DIAPH2: variants seen among roughly 807,000 people sequenced by gnomAD.
The protein encoded by DIAPH2 is protein diaphanous homolog 2.
DIAPH2 carries 35 observed loss-of-function variants against 92.7 expected under a neutral mutation model. The observed-to-expected ratio is 0.38, with a 90% confidence interval of 0.29 to 0.50. DIAPH2 has a LOEUF of 0.50. Ranked by LOEUF, DIAPH2 falls within the 20% of genes least tolerant of loss-of-function variation. The pLI, the probability that DIAPH2 is intolerant of heterozygous loss-of-function variation, is 0.94. For missense variants in DIAPH2, 701 were observed against 819.5 expected, an observed-to-expected ratio of 0.86 and a Z score of 1.77; for synonymous variants, 301 against 280.4, an observed-to-expected ratio of 1.07 and a Z score of -0.73.
chrX:96,913,334 A>G (rs1019682646), intron 7 of DIAPH2, among the ~76,000 whole-genome samples: 1 of 111,753 alleles, frequency 8.9e-6, no homozygotes, highest in Non-Finnish European at 1.9e-5. Context: ...TTTATAGTAT[A>G]CTAAATGTTC....
chrX:97,532,195 A>T lies in DIAPH2; in HGVS notation c.3242-67058A>T, dbSNP rs186339769. Among the ~76,000 whole-genome samples, 15 of 113,063 alleles carry T rather than the reference A, an allele frequency of 1.3e-4. 1 individual carries two copies. The highest frequency in any genetic ancestry group is 4.6e-3 in the Middle Eastern group (1 of 219). On this transcript the variant is annotated intron_variant, in intron 26 of 26. Coordinates refer to ENST00000324765, the MANE Select transcript of DIAPH2 (RefSeq NM_006729.5). The stretch of plus-strand genomic sequence containing the variant: ...TTCTATAAAGAGAACTATTATCCAC[A>T]TCTTTTTGCACAGAAGTACACTTAA...
At chrX:96,763,923 C>G (rs1167176380) in intron 4 of DIAPH2, among the ~76,000 whole-genome samples, 2 of 108,396 alleles carry the variant, frequency 1.8e-5, no homozygotes, top group Non-Finnish European at 3.8e-5. Flanking sequence ...TTTATTTGTT[C>G]ATTTTGCTTT....
chrX:96,730,537 C>T (rs1260151596), intron 1 of DIAPH2, among the ~76,000 whole-genome samples: 2 of 111,525 alleles, frequency 1.8e-5, no homozygotes, highest in Admixed American at 9.5e-5. Flanking sequence ...GCAGGGATGT[C>T]GTCCAGAGAA....
chrX:97,185,331 A>G (rs866583394), intron 22 of DIAPH2, among the ~76,000 whole-genome samples: 9 of 44,796 alleles, frequency 2.0e-4, no homozygotes, highest in African/African-American at 1.1e-3. Context: ...ATATGTGTAT[A>G]TATATATATG....
chrX:97,289,715 AT>A (rs752155445), intron 23 of DIAPH2, among the ~76,000 whole-genome samples: 202 of 96,157 alleles, frequency 2.1e-3, no homozygotes, highest in South Asian at 2.8e-3. Context: ...CAACAATCCA[AT>A]TTTTTTTTTT....
chrX:96,814,873 A>G (rs996073532), intron 4 of DIAPH2, among the ~76,000 whole-genome samples: 1 of 111,534 alleles, frequency 9.0e-6, no homozygotes, highest in African/African-American at 3.3e-5. Context: ...CAGAACAGCC[A>G]ATATTGCTGC....
At chrX:96,689,937 G>A (rs1197315140) in intron 1 of DIAPH2, among the ~76,000 whole-genome samples, 1 of 110,061 alleles carries the variant, frequency 9.1e-6, no homozygotes, top group African/African-American at 3.3e-5. Flanking sequence ...TATTTTGAGA[G>A]TGTAAATTGG....
rs1317261772 is a variant in DIAPH2 at position 96,979,324 on chromosome X, A to T, written c.2050+14117A>T. ...TTTCTGCCTTCTCTCCTGTTTTGTGATAATCATGGCATTCCCATGTTTGGA... is the reference window on the plus strand; with the variant it reads ...TTTCTGCCTTCTCTCCTGTTTTGTGTTAATCATGGCATTCCCATGTTTGGA... On this transcript the variant is annotated intron_variant, in intron 17 of 26. Transcript: ENST00000324765. Among the ~76,000 whole-genome samples, 8 of 112,357 alleles carry T rather than the reference A, an allele frequency of 7.1e-5. No homozygotes were observed. In the Admixed American group the frequency reaches 7.5e-4, roughly 11 times the overall value.
At chrX:96,804,374 C>T (rs1367901954) in intron 4 of DIAPH2, among the ~76,000 whole-genome samples, 3 of 111,871 alleles carry the variant, frequency 2.7e-5, no homozygotes, top group Admixed American at 9.5e-5. Flanking sequence ...CTGCCATCCT[C>T]TCTACCACCC....
intron 5 of DIAPH2, among the ~76,000 whole-genome samples, chrX:96,893,557 A>T (rs2065321593): frequency 8.9e-6 from 1 of 111,967 alleles, no homozygotes; most frequent in Non-Finnish European, 1.9e-5. Flanking sequence ...GTTTTCCATA[A>T]AGTACAGAAG....
chrX:97,520,987 A>T (rs1247533279), intron 26 of DIAPH2, among the ~76,000 whole-genome samples: 1 of 111,436 alleles, frequency 9.0e-6, no homozygotes, highest in Admixed American at 9.5e-5. Context: ...GTCTCCCCAG[A>T]ATTTGTATGT....
intron 22 of DIAPH2, among the ~76,000 whole-genome samples, chrX:97,162,843 C>T (rs1458098718): frequency 2.7e-5 from 3 of 111,074 alleles, no homozygotes; most frequent in African/African-American, 9.8e-5. Flanking sequence ...TTTTTTTCCC[C>T]GTCTATTTCT....
chrX:97,267,223 A>G (rs2068344652), intron 23 of DIAPH2, among the ~76,000 whole-genome samples: 1 of 111,716 alleles, frequency 9.0e-6, no homozygotes, highest in African/African-American at 3.3e-5. Context: ...GAATCTGCAA[A>G]AAGTTTCTGA....
intron 17 of DIAPH2, among the ~76,000 whole-genome samples, chrX:96,998,003 A>G (rs2066116406): frequency 8.9e-6 from 1 of 112,187 alleles, no homozygotes; most frequent in African/African-American, 3.2e-5. Context: ...TACAAATGCC[A>G]TTGTCCACTA....
intron 22 of DIAPH2, among the ~76,000 whole-genome samples, chrX:97,178,545 C>T (rs2147461488): frequency 9.7e-6 from 1 of 103,412 alleles, no homozygotes; most frequent in Admixed American, 1.1e-4. Context: ...CTCCACCTCC[C>T]GAGTTCAAGC....
At chrX:96,822,630 T>C (rs1219187742) in intron 4 of DIAPH2, among the ~76,000 whole-genome samples, 1 of 111,918 alleles carries the variant, frequency 8.9e-6, no homozygotes, top group Non-Finnish European at 1.9e-5. Context: ...GAGTTATAAA[T>C]ATAAAACCAT....
At chrX:97,159,564 C>T (rs2067350454) in intron 22 of DIAPH2, among the ~76,000 whole-genome samples, 1 of 111,791 alleles carries the variant, frequency 8.9e-6, no homozygotes, top group African/African-American at 3.2e-5. Context: ...TGCCAAACAA[C>T]TGGTTAATTC....
At chrX:96,884,302 G>T in intron 5 of DIAPH2, 1 of 1,204,324 alleles carries the variant, frequency 8.3e-7, no homozygotes, top group South Asian at 1.8e-5. Context: ...AGCCTGAGCT[G>T]TCTTGAAGAT....
At chrX:96,886,825 A>T (rs1342139468) in intron 5 of DIAPH2, among the ~76,000 whole-genome samples, 1 of 110,581 alleles carries the variant, frequency 9.0e-6, no homozygotes, top group Non-Finnish European at 1.9e-5. Context: ...TCACTCCCAT[A>T]ATTGCTTGAG....
Sources: allele counts gnomAD v4.1 joint callset (sites outside exome capture counted in the v4.1 genomes callset), GRCh38; gene constraint gnomAD v4.1.1; transcripts MANE v1.5; gene names NCBI Gene and HGNC (gene_info 2026-07-23, HGNC 2026-07-21).